The following UGT1A3 variants were observed in gnomAD, a reference collection of about 807,000 sequenced individuals.
UGT1A3 encodes the protein UDP glucuronosyltransferase family 1 member A3.
Under a neutral mutation model 41.0 loss-of-function variants are expected in UGT1A3, and 31 were observed. The observed-to-expected ratio is 0.76, with a 90% confidence interval of 0.57 to 1.02. The LOEUF is 1.02. UGT1A3 is among the 50% of genes least tolerant of loss of function. The probability of loss-of-function intolerance (pLI) is 0.00; values close to 1 mark genes in which losing one functional copy is unlikely to be tolerated. For synonymous variants in UGT1A3, 262 were observed against 257.6 expected (o/e 1.02, Z -0.17); for missense variants, 737 against 671.0 (o/e 1.10, Z -1.09).
chr2:233,735,048 A>G lies in UGT1A3; in HGVS notation c.867+5055A>G, dbSNP rs536875851. On this transcript the variant is annotated intron_variant, in intron 1 of 4. Coordinates refer to ENST00000482026, the MANE Select transcript of UGT1A3 (RefSeq NM_019093.4). ...ATTAGGTCTGCTTGGTGCAGAGCTG[A>G]GTTCAGGTCCTGGATATCCTTGTTA... Among the ~76,000 whole-genome samples the G allele has an allele frequency of 3.9e-5, 6 of 152,322 alleles. No individual in the cohort carries two copies. The South Asian group carries it at 1.2e-3, about 32-fold the overall frequency.
At chr2:233,758,936 A>G (rs3755319) in intron 1 of UGT1A3, among the ~76,000 whole-genome samples, 2 of 152,038 alleles carry the variant, frequency 1.3e-5, no homozygotes, top group Non-Finnish European at 2.9e-5. Context: ...TTGACTTCAA[A>G]TCAGTCATCA....
chr2:233,773,017 C>A lies in UGT1A3; in HGVS notation c.*458C>A. 4.9e-6 allele frequency: 1 copy of A among 206,174 alleles called. No individual in the cohort carries two copies. The allele number at this position is 206,174 out of a possible 1,614,324, so 12.8% of individuals were successfully genotyped here. ...CTCTGTCGTGCTTCATAGGTGCCAC[C>A]TTGTGTGTTTAAAGAAGGGAAGCTT... On this transcript the variant is annotated 3_prime_UTR_variant, in exon 5 of 5. Transcript: ENST00000482026.
At chr2:233,736,303 A>T (rs1206412550) in intron 1 of UGT1A3, among the ~76,000 whole-genome samples, 2 of 152,062 alleles carry the variant, frequency 1.3e-5, no homozygotes, top group Non-Finnish European at 2.9e-5. Context: ...TGCTCTAATC[A>T]GCTATTGAAT....
chr2:233,770,723 A>G (rs1412747955), intron 4 of UGT1A3: 1 of 152,146 alleles, frequency 6.6e-6, no homozygotes, highest in African/African-American at 2.4e-5. Context: ...AAGGAAGATG[A>G]TATTTAACAT....
chr2:233,755,676 G>A (rs1559401147), intron 1 of UGT1A3: 1 of 157,436 alleles, frequency 6.4e-6, no homozygotes, highest in Non-Finnish European at 1.4e-5. Context: ...TGGTGGGAGT[G>A]AGTTTAGTCT....
chr2:233,757,451 G>GTC (rs1696532284), intron 1 of UGT1A3, among the ~76,000 whole-genome samples: 1 of 150,202 alleles, frequency 6.7e-6, no homozygotes, highest in South Asian at 2.1e-4. Context: ...ACAGAAACAT[G>GTC]TCCAGAGCGC....
At chr2:233,742,599 A>G (rs1331499090) in intron 1 of UGT1A3, among the ~76,000 whole-genome samples, 1 of 151,848 alleles carries the variant, frequency 6.6e-6, no homozygotes, top group Non-Finnish European at 1.5e-5. Context: ...GCAACCTACC[A>G]TAGTTGGAGA....
intron 1 of UGT1A3, among the ~76,000 whole-genome samples, chr2:233,756,690 C>T (rs1266086020): frequency 6.6e-6 from 1 of 152,102 alleles, no homozygotes; most frequent in Non-Finnish European, 1.5e-5. Flanking sequence ...TATATAATGA[C>T]GATGAATTTT....
chr2:233,766,884 A>C, intron 1 of UGT1A3, 150 bp from the exon 2 acceptor site: 4 of 1,457,402 alleles, frequency 2.7e-6, no homozygotes, highest in Non-Finnish European at 3.6e-6. Context: ...ATGCTGTAAA[A>C]CTTACATATT....
At chr2:233,744,436 C>G (rs183534266) in intron 1 of UGT1A3, among the ~76,000 whole-genome samples, 10 of 151,926 alleles carry the variant, frequency 6.6e-5, no homozygotes. Context: ...ATCTATCATA[C>G]GTACTGCATT....
At position 233,769,451 on chromosome 2, in the gene UGT1A3, G is replaced by A; in HGVS notation, c.1307+1012G>A. On this transcript the variant is annotated intron_variant, in intron 4 of 4. Transcript: ENST00000482026. This position sits in a 1 kb window ranked among gnomAD's most constrained non-coding sequence, Gnocchi z 4.4. ...TGTGCTCATGTGTGGGTGCACACGT[G>A]TGCATTCATATGCGTGTGTGTGTGT... is the stretch of plus-strand genomic sequence containing the variant. 1 of 1,590,738 alleles carries A rather than the reference G, an allele frequency of 6.3e-7. No homozygotes were observed. Among genetic ancestry groups the A allele is most frequent in the Non-Finnish European group, 8.6e-7 (1 of 1,161,554 alleles).
At chr2:233,754,200 T>C (rs1333668014) in intron 1 of UGT1A3, 4 of 162,792 alleles carry the variant, frequency 2.5e-5, no homozygotes, top group Non-Finnish European at 5.4e-5. Context: ...CAGTAAAACA[T>C]TGAAGTCAAA....
intron 1 of UGT1A3, chr2:233,756,051 T>C (rs1176679443): frequency 6.6e-6 from 1 of 152,238 alleles, no homozygotes; most frequent in Non-Finnish European, 1.5e-5. Context: ...AAAACTCCAC[T>C]GTACACTTGT....
chr2:233,734,814 T>C (rs1435677424), intron 1 of UGT1A3, among the ~76,000 whole-genome samples: 1 of 152,246 alleles, frequency 6.6e-6, no homozygotes, highest in East Asian at 1.9e-4. Flanking sequence ...TTCCATGTAG[T>C]TGTGCGATTT....
At chr2:233,746,500 G>A (rs1693410791) in intron 1 of UGT1A3, among the ~76,000 whole-genome samples, 1 of 151,712 alleles carries the variant, frequency 6.6e-6, no homozygotes, top group African/African-American at 2.4e-5. Context: ...TCACTCTTTA[G>A]TAGCCCCCAA....
chr2:233,759,542 G>A (rs751549220), intron 1 of UGT1A3, among the ~76,000 whole-genome samples: 1 of 152,024 alleles, frequency 6.6e-6, no homozygotes, highest in Non-Finnish European at 1.5e-5. Flanking sequence ...GTTCACATGC[G>A]CTCCAGTGAA....
chr2:233,768,231 A>G lies in UGT1A3; in HGVS notation c.1099A>G (p.Thr367Ala). The G allele has an allele frequency of 5.6e-6, 9 of 1,614,162 alleles. No homozygotes were observed. The highest frequency in any genetic ancestry group is 7.6e-6 in the Non-Finnish European group (9 of 1,180,044). Reference sequence around the variant, plus strand: ...ATTTTGCATCTCAGGTCACCCGATGACCCGTGCCTTTATCACCCATGCTGG... The same window carrying G: ...ATTTTGCATCTCAGGTCACCCGATGGCCCGTGCCTTTATCACCCATGCTGG... ...PQNDLLGHPMTRAFITHAGSH... is the reference protein window; with the variant it reads ...PQNDLLGHPMARAFITHAGSH... The change falls in exon 4 of 5, where the codon ACC becomes GCC. Residue 367 changes from threonine (T) to alanine (A), a missense_variant. By Grantham distance (58) the Thr-to-Ala change is moderately conservative. Coordinates refer to ENST00000482026, the MANE Select transcript of UGT1A3 (RefSeq NM_019093.4).
intron 1 of UGT1A3, among the ~76,000 whole-genome samples, chr2:233,744,310 G>A (rs1252338874): frequency 6.6e-6 from 1 of 151,840 alleles, no homozygotes; most frequent in Non-Finnish European, 1.5e-5. Context: ...CAGGAGGGAA[G>A]AGGGTGGTGG....
At chr2:233,750,460 A>G (rs1694463339) in intron 1 of UGT1A3, among the ~76,000 whole-genome samples, 1 of 152,018 alleles carries the variant, frequency 6.6e-6, no homozygotes, top group South Asian at 2.1e-4. Flanking sequence ...CCAGCTACAG[A>G]AATACTGGCT....
Sources: gnomAD v4.1 joint callset for allele counts (sites outside exome capture counted in the v4.1 genomes callset) on GRCh38, gnomAD v4.1.1 for gene constraint, Gnocchi (gnomAD v3.1) non-coding constraint, MANE v1.5 for transcripts, NCBI Gene and HGNC (gene_info 2026-07-23, HGNC 2026-07-21) for gene names.